AGAP1: variants seen among roughly 807,000 people sequenced by gnomAD.
AGAP1 encodes the protein arf-GAP with GTPase, ANK repeat and PH domain-containing protein 1.
Under a neutral mutation model 105.3 loss-of-function variants are expected in AGAP1, and 29 were observed. The observed-to-expected ratio is 0.28, with a 90% CI of 0.21 to 0.38. The LOEUF is 0.38. AGAP1 is among the 10% of genes least tolerant of loss of function. AGAP1 has a pLI of 1.00. For synonymous variants in AGAP1, 509 were observed against 485.9 expected (o/e 1.05, Z -0.63); for missense variants, 998 against 1,165.1 (o/e 0.86, Z 2.09).
chr2:235,832,230 T>A (rs987217220), intron 9 of AGAP1, among the ~76,000 whole-genome samples: 2 of 152,218 alleles, frequency 1.3e-5, no homozygotes, highest in Admixed American at 1.3e-4. Flanking sequence ...ATGTGTTTTT[T>A]ATAGATATTT....
rs375502301 is a variant in AGAP1, at chr2:235,520,040, C to T, written c.163+25191C>T. Among the ~76,000 whole-genome samples, 403 of 152,286 alleles carry T rather than the reference C, an allele frequency of 2.6e-3. 2 individuals are homozygous for T. The highest frequency in any genetic ancestry group is 9.5e-3 in the African/African-American group (396 of 41,558). ...CAGGTGATTCGCCTGCCTCGGCCTCCCAATGTGCTGGGATTATAGGCATGA... is the reference window on the plus strand; with the variant it reads ...CAGGTGATTCGCCTGCCTCGGCCTCTCAATGTGCTGGGATTATAGGCATGA... On this transcript the variant is annotated intron_variant, in intron 1 of 17. Coordinates refer to ENST00000304032, the MANE Select transcript of AGAP1 (RefSeq NM_001037131.3).
At chr2:235,986,079 T>C (rs1559726245) in intron 13 of AGAP1, among the ~76,000 whole-genome samples, 1 of 152,246 alleles carries the variant, frequency 6.6e-6, no homozygotes, top group Non-Finnish European at 1.5e-5. Flanking sequence ...ATTTTCATGA[T>C]ATTGATTCTT....
chr2:235,821,061 G>C (rs538533247), intron 9 of AGAP1, among the ~76,000 whole-genome samples: 32 of 152,220 alleles, frequency 2.1e-4, no homozygotes, highest in Non-Finnish European at 3.7e-4. Context: ...TTATCCTCAA[G>C]GGAATAATTC....
chr2:236,090,543 T>A lies in AGAP1; in HGVS notation c.2115-29649T>A, dbSNP rs761878824. On this transcript the variant is annotated intron_variant, in intron 16 of 17. Transcript: ENST00000304032. The surrounding 1 kb of genome is among the most constrained non-coding windows in gnomAD (Gnocchi z 4.3). ...AAGCAAACGGGCTTTGCCAAGCGAG[T>A]GAGAGGCGGGGGTCGGAGGGAGGCC... 2.0e-5 allele frequency among the ~76,000 whole-genome samples: 3 copies of A among 151,788 alleles called. No homozygotes were observed. The highest frequency in any genetic ancestry group is 4.8e-5 in the African/African-American group (2 of 41,298).
chr2:236,059,008 G>A (rs1036820479), intron 16 of AGAP1, among the ~76,000 whole-genome samples: 1 of 151,944 alleles, frequency 6.6e-6, no homozygotes, highest in Non-Finnish European at 1.5e-5. Context: ...CCAGCCTGGG[G>A]AACAGAGCAA....
At chr2:235,674,747 T>G (rs945193390) in intron 1 of AGAP1, among the ~76,000 whole-genome samples, 5 of 150,264 alleles carry the variant, frequency 3.3e-5, no homozygotes, top group African/African-American at 1.2e-4. Context: ...TGGAGTGCAG[T>G]GAGCGATCTC....
rs574846581 is a variant in AGAP1, at chr2:236,119,677, G to A, written c.2115-515G>A. Among the ~76,000 whole-genome samples the A allele has an allele frequency of 2.0e-5, 3 of 150,534 alleles. No individual in the cohort carries two copies. The highest frequency in any genetic ancestry group is 6.7e-5 in the Admixed American group (1 of 14,990). On this transcript the variant is annotated intron_variant, in intron 16 of 17. Transcript: ENST00000304032. This position sits in a 1 kb window ranked among gnomAD's most constrained non-coding sequence, Gnocchi z 6.6. Reference sequence around the variant, plus strand: ...CGGCCCCAGAGACCATGCTTCCATCGTGCGGTCCGTGCTCTCGGCCCCGGA... The same window carrying A: ...CGGCCCCAGAGACCATGCTTCCATCATGCGGTCCGTGCTCTCGGCCCCGGA...
chr2:235,731,608 C>T (rs562993109), intron 3 of AGAP1, among the ~76,000 whole-genome samples: 78 of 152,250 alleles, frequency 5.1e-4, no homozygotes, highest in African/African-American at 1.8e-3. Flanking sequence ...ATTGAATTAG[C>T]GTTTCAGAGC....
chr2:235,576,503 A>C (rs1944738418), intron 1 of AGAP1, among the ~76,000 whole-genome samples: 1 of 152,318 alleles, frequency 6.6e-6, no homozygotes, highest in South Asian at 2.1e-4. Context: ...GTGTGCTGGA[A>C]GCATTGCCTG....
chr2:235,837,932 C>T (rs1473467538), intron 9 of AGAP1, among the ~76,000 whole-genome samples: 1 of 152,124 alleles, frequency 6.6e-6, no homozygotes, highest in Non-Finnish European at 1.5e-5. Flanking sequence ...CCTGTAGTCC[C>T]AGCACTTTGG....
At chr2:235,703,918 C>G (rs2149488343) in intron 1 of AGAP1, among the ~76,000 whole-genome samples, 1 of 152,232 alleles carries the variant, frequency 6.6e-6, no homozygotes, top group Middle Eastern at 3.4e-3. Context: ...CTCAGGTGAT[C>G]CACGCCCCTT....
chr2:235,799,445 C>A lies in AGAP1; in HGVS notation c.880C>A (p.Arg294=), dbSNP rs112968637. 1.5e-3 allele frequency: 2,453 copies of A among 1,614,116 alleles called. 28 individuals carry two copies. The African/African-American group carries it at 0.03, about 20-fold the overall frequency. ...TCCCAGCACCAGCCAGAAGGAACTTCGGATCGATGTTCCTCCCACTGCCAA... is the reference window on the plus strand; with the variant it reads ...TCCCAGCACCAGCCAGAAGGAACTTAGGATCGATGTTCCTCCCACTGCCAA... The part of the protein sequence containing the change: ...STPSTSQKEL[R]IDVPPTANTP... The change falls in exon 8 of 18, where the codon CGG becomes AGG. Residue 294 remains arginine, a synonymous_variant. Coordinates refer to ENST00000304032, the MANE Select transcript of AGAP1 (RefSeq NM_001037131.3). The surrounding 1 kb of genome is among the most constrained non-coding windows in gnomAD (Gnocchi z 5.0).
chr2:235,746,958 G>A (rs1265055582), intron 5 of AGAP1, among the ~76,000 whole-genome samples: 2 of 152,082 alleles, frequency 1.3e-5, no homozygotes, highest in African/African-American at 4.8e-5. Flanking sequence ...CCGGGAGTTG[G>A]GACCACACAC....
Position 235,789,919 on chromosome 2 carries a change from AG to A in AGAP1, c.674-7838del, listed in dbSNP as rs1956874671. On this transcript the variant is annotated intron_variant, in intron 6 of 17. Transcript: ENST00000304032. This position sits in a 1 kb window ranked among gnomAD's most constrained non-coding sequence, Gnocchi z 4.2. ...TTAAATTTATGACCTGTTTAGTTGC[AG>A]GATGTCTTACCTTCCTTGTTAGTAT... is the stretch of plus-strand genomic sequence containing the variant. Among the ~76,000 whole-genome samples, 3 of 152,314 alleles carry A rather than the reference AG, an allele frequency of 2.0e-5. No homozygotes were observed. The highest frequency in any genetic ancestry group is 7.2e-5 in the African/African-American group (3 of 41,572).
chr2:235,596,202 C>T lies in AGAP1; in HGVS notation c.163+101353C>T, dbSNP rs1945520536. Among the ~76,000 whole-genome samples, 1 of 152,230 alleles carries T rather than the reference C, an allele frequency of 6.6e-6. No homozygotes were observed. Among genetic ancestry groups the T allele is most frequent in the Admixed American group, 6.5e-5 (1 of 15,280 alleles). On this transcript the variant is annotated intron_variant, in intron 1 of 17. Transcript: ENST00000304032. This position sits in a 1 kb window ranked among gnomAD's most constrained non-coding sequence, Gnocchi z 5.9. ...TGAACACTGTAAACATTCCCAGCTC[C>T]ATCTAAGGTGATTAAACGGAGTCAG...
chr2:235,835,120 G>A (rs1959979062), intron 9 of AGAP1, among the ~76,000 whole-genome samples: 2 of 152,192 alleles, frequency 1.3e-5, no homozygotes, highest in Admixed American at 1.3e-4. Flanking sequence ...TCACTGGATG[G>A]ACAGGTGCCC....
intron 1 of AGAP1, among the ~76,000 whole-genome samples, chr2:235,580,723 C>T (rs1574894738): frequency 6.6e-6 from 1 of 152,198 alleles, no homozygotes; most frequent in East Asian, 1.9e-4. Context: ...AATGTTTTGA[C>T]AGTGGCACTT....
At chr2:235,764,035 C>T (rs1169724643) in intron 6 of AGAP1, among the ~76,000 whole-genome samples, 1 of 152,150 alleles carries the variant, frequency 6.6e-6, no homozygotes, top group Non-Finnish European at 1.5e-5. Flanking sequence ...TGGCTTTGGC[C>T]CGTGCGTGGC....
At chr2:235,530,496 C>A (rs13424712) in intron 1 of AGAP1, among the ~76,000 whole-genome samples, 1 of 152,116 alleles carries the variant, frequency 6.6e-6, no homozygotes, top group African/African-American at 2.4e-5. Context: ...TTGGCAGGGC[C>A]GCGTTCCTTC....
Sources: gnomAD v4.1 joint callset for allele counts (sites outside exome capture counted in the v4.1 genomes callset) on GRCh38, gnomAD v4.1.1 for gene constraint, Gnocchi (gnomAD v3.1) non-coding constraint, MANE v1.5 for transcripts, NCBI Gene and HGNC (gene_info 2026-07-23, HGNC 2026-07-21) for gene names.